SLC35F4: variants seen among roughly 807,000 people sequenced by gnomAD.
The protein encoded by SLC35F4 is solute carrier family 35 member F4.
SLC35F4 carries 24 observed loss-of-function variants against 44.2 expected under a neutral mutation model. The observed-to-expected ratio is 0.54, with a 90% CI of 0.39 to 0.76. The LOEUF is 0.76. SLC35F4 is among the 30% of genes least tolerant of loss of function. The probability of loss-of-function intolerance (pLI) is 0.00; values close to 1 mark genes in which losing one functional copy is unlikely to be tolerated. For missense variants in SLC35F4, 562 were observed against 586.1 expected, an observed-to-expected ratio of 0.96 and a Z score of 0.42; for synonymous variants, 238 against 223.6, an observed-to-expected ratio of 1.06 and a Z score of -0.57.
In SLC35F4 at chr14:57,630,154, T is replaced by G; in HGVS notation, c.104-36030A>C. The G allele has an allele frequency of 7.2e-6, 4 of 556,178 alleles. No homozygotes were observed. In the East Asian group the frequency reaches 1.9e-4, roughly 27 times the overall value. The allele number at this position is 556,178 out of a possible 1,614,324, so 34.5% of individuals were successfully genotyped here. ...TGTGGATGGCAGATTAAAATACAGT[T>G]TGCCTAGGGGGATCAGAAGACACTA... On this transcript the variant is annotated intron_variant, in intron 1 of 7. Coordinates refer to ENST00000556826, the MANE Select transcript of SLC35F4 (RefSeq NM_001306087.2).
chr14:57,883,019 A>AG (rs1888569695), intron 1 of SLC35F4, among the ~76,000 whole-genome samples: 1 of 145,512 alleles, frequency 6.9e-6, no homozygotes, highest in African/African-American at 2.5e-5. Context: ...GAGGAGGAGG[A>AG]GAGGAGGGGA....
At chr14:57,693,646 C>T (rs111488957) in intron 1 of SLC35F4, among the ~76,000 whole-genome samples, 22,516 of 152,118 alleles carry the variant, frequency 0.15, 1,892 homozygotes, top group East Asian at 0.29. Flanking sequence ...TCAATAAATA[C>T]GTGGGCAAAT....
At chr14:57,635,372 C>A (rs74998808) in intron 1 of SLC35F4, among the ~76,000 whole-genome samples, 2 of 151,494 alleles carry the variant, frequency 1.3e-5, no homozygotes, top group African/African-American at 4.8e-5. Context: ...GGAGAGGGGT[C>A]GGAGGGAGAC....
chr14:57,730,474 C>T (rs1369729425), intron 1 of SLC35F4, among the ~76,000 whole-genome samples: 1 of 151,842 alleles, frequency 6.6e-6, no homozygotes, highest in Non-Finnish European at 1.5e-5. Context: ...AGATGTTTAT[C>T]TCACTGGCTG....
At chr14:57,689,409 A>G (rs1161851156) in intron 1 of SLC35F4, among the ~76,000 whole-genome samples, 1 of 152,140 alleles carries the variant, frequency 6.6e-6, no homozygotes, top group Admixed American at 6.6e-5. Flanking sequence ...AGAAAGAGCC[A>G]TCTCAAATGC....
intron 1 of SLC35F4, among the ~76,000 whole-genome samples, chr14:57,749,163 T>C (rs1343723213): frequency 6.6e-6 from 1 of 152,116 alleles, no homozygotes; most frequent in Non-Finnish European, 1.5e-5. Context: ...TAGAAACAGG[T>C]TGGTATGAAT....
chr14:57,736,807 T>A (rs2076476350), intron 1 of SLC35F4, among the ~76,000 whole-genome samples: 1 of 152,218 alleles, frequency 6.6e-6, no homozygotes, highest in African/African-American at 2.4e-5. Context: ...TGCTAACCAG[T>A]GAGGCATTTT....
intron 1 of SLC35F4, among the ~76,000 whole-genome samples, chr14:57,705,974 C>T (rs4387515): frequency 0.046 from 7,035 of 152,166 alleles, 206 homozygotes; most frequent in South Asian, 0.082. Context: ...CCACTCAATC[C>T]TGTGTTTCCT....
At chr14:57,599,055 A>G (rs1322976652) in intron 1 of SLC35F4, among the ~76,000 whole-genome samples, 1 of 152,204 alleles carries the variant, frequency 6.6e-6, no homozygotes, top group Non-Finnish European at 1.5e-5. Flanking sequence ...TTCCTTGCTG[A>G]AATTAAAGGA....
chr14:57,681,915 T>C (rs1468092822), intron 1 of SLC35F4, among the ~76,000 whole-genome samples: 1 of 152,126 alleles, frequency 6.6e-6, no homozygotes, highest in Admixed American at 6.6e-5. Flanking sequence ...CACTGGACAT[T>C]AGAGAAATGC....
chr14:57,739,697 G>C (rs572997667), intron 1 of SLC35F4, among the ~76,000 whole-genome samples: 1 of 152,276 alleles, frequency 6.6e-6, no homozygotes, highest in East Asian at 1.9e-4. Context: ...GTCCAGGCCT[G>C]GGCTTGAAAC....
intron 1 of SLC35F4, among the ~76,000 whole-genome samples, chr14:57,949,118 A>C (rs1347830312): frequency 6.6e-6 from 1 of 152,126 alleles, no homozygotes; most frequent in African/African-American, 2.4e-5. Flanking sequence ...TAGTGCTGTC[A>C]ATGAGATATT....
chr14:57,709,481 A>G (rs2075763268), intron 1 of SLC35F4, among the ~76,000 whole-genome samples: 1 of 152,220 alleles, frequency 6.6e-6, no homozygotes, highest in East Asian at 1.9e-4. Flanking sequence ...CTAATGATTA[A>G]TGATATTCAT....
At chr14:57,636,768 T>C (rs560461043) in intron 1 of SLC35F4, among the ~76,000 whole-genome samples, 1 of 152,252 alleles carries the variant, frequency 6.6e-6, no homozygotes, top group African/African-American at 2.4e-5. Flanking sequence ...TAAAATTATT[T>C]GCTGTTCATT....
chr14:57,659,314 T>G lies in SLC35F4; in HGVS notation c.104-65190A>C, dbSNP rs1358229707. 2.0e-5 allele frequency among the ~76,000 whole-genome samples: 3 copies of G among 151,496 alleles called. No individual in the cohort carries two copies. The East Asian group carries it at 5.8e-4, about 29-fold the overall frequency. Reference sequence around the variant, plus strand: ...AGGAAAGCAGGCTGAGTCCCTGGAGTCTGCAGCAAGGGAAAAAAGAACACA... The same window carrying G: ...AGGAAAGCAGGCTGAGTCCCTGGAGGCTGCAGCAAGGGAAAAAAGAACACA... On this transcript the variant is annotated intron_variant, in intron 1 of 7. Coordinates refer to ENST00000556826, the MANE Select transcript of SLC35F4 (RefSeq NM_001306087.2).
At chr14:57,951,083 G>C (rs7156022) in intron 1 of SLC35F4, among the ~76,000 whole-genome samples, 1,910 of 152,236 alleles carry the variant, frequency 0.013, 32 homozygotes, top group African/African-American at 0.043. Context: ...GGTGATTTCT[G>C]CATTTCCAAC....
chr14:57,915,191 G>A (rs1384793897), intron 1 of SLC35F4, among the ~76,000 whole-genome samples: 1 of 152,178 alleles, frequency 6.6e-6, no homozygotes, highest in Non-Finnish European at 1.5e-5. Context: ...GAGTTCTGAA[G>A]CAGCCCTGAG....
intron 1 of SLC35F4, among the ~76,000 whole-genome samples, chr14:57,884,421 T>C (rs1399778194): frequency 1.3e-5 from 2 of 152,160 alleles, no homozygotes; most frequent in African/African-American, 4.8e-5. Flanking sequence ...AGGGTGTAAT[T>C]TGGTTAAAAT....
intron 1 of SLC35F4, among the ~76,000 whole-genome samples, chr14:57,762,979 C>CTGT (rs2077159021): frequency 6.6e-6 from 1 of 151,944 alleles, no homozygotes; most frequent in Admixed American, 6.6e-5. Flanking sequence ...AAAGAGAGCC[C>CTGT]CAACACTGTA....
Sources: allele counts gnomAD v4.1 joint callset (sites outside exome capture counted in the v4.1 genomes callset), GRCh38; gene constraint gnomAD v4.1.1; transcripts MANE v1.5; gene names NCBI Gene and HGNC (gene_info 2026-07-23, HGNC 2026-07-21).